Variants in HECTD4 observed in about 807,000 individuals in gnomAD.
The protein encoded by HECTD4 is HECT domain E3 ubiquitin protein ligase 4.
A neutral mutation model predicts 471.5 loss-of-function variants in HECTD4; 114 were observed. That is an observed-to-expected ratio of 0.24 (90% CI 0.21 to 0.28). The LOEUF (loss-of-function observed/expected upper bound fraction) is 0.28. HECTD4 is among the 10% of genes least tolerant of loss of function. HECTD4 has a pLI of 1.00. For synonymous variants in HECTD4, 2,012 were observed against 2,256.0 expected (o/e 0.89, Z 3.07); for missense variants, 3,866 against 5,651.5 (o/e 0.68, Z 10.13).
At chr12:112,379,336 C>G (rs563919906) in intron 1 of HECTD4, among the ~76,000 whole-genome samples, 1 of 152,280 alleles carries the variant, frequency 6.6e-6, no homozygotes, top group East Asian at 1.9e-4. Flanking sequence ...AATTGTTAGG[C>G]TCTTTTGAGA....
rs376987363 is a variant in HECTD4 at position 112,193,451 on chromosome 12, T to C, written c.8955+18A>G. ...AAATGGTAACCACACTGCAGGAACA[T>C]GAGCTTTAGACTTCTACCTGCAGGA... On this transcript the variant is annotated intron_variant, in intron 57 of 75. Coordinates refer to ENST00000682272, the MANE Select transcript of HECTD4 (RefSeq NM_001388303.1). This position sits in a 1 kb window ranked among gnomAD's most constrained non-coding sequence, Gnocchi z 5.2. 54 of 1,594,176 alleles carry C rather than the reference T, an allele frequency of 3.4e-5. No homozygotes were observed. The African/African-American group carries it at 5.9e-4, about 17-fold the overall frequency.
chr12:112,217,182 G>A lies in HECTD4; in HGVS notation c.7088C>T (p.Thr2363Ile). Residue 2363 changes from threonine (T) to isoleucine (I), a missense_variant, in exon 46 of 76, where the codon ACT becomes ATT. Coordinates refer to ENST00000682272, the MANE Select transcript of HECTD4 (RefSeq NM_001388303.1). ...QADRRQPKEI[T>I]WSPSRVFPPV... ...CGGAAACACTCGCGAGGGGCTCCAA[G>A]TAATCTCTTTGGGCTGCATCAGGGA... 1 of 1,519,744 alleles carries A rather than the reference G, an allele frequency of 6.6e-7. No homozygotes were observed. The highest frequency in any genetic ancestry group is 8.8e-7 in the Non-Finnish European group (1 of 1,133,950). 94.1% of individuals were successfully genotyped at this position (1,519,744 alleles called of 1,614,324 possible).
At chr12:112,219,540 G>A in intron 44 of HECTD4, 51 bp from the exon 45 acceptor site, 1 of 1,290,686 alleles carries the variant, frequency 7.7e-7, no homozygotes, top group South Asian at 1.2e-5. Context: ...CAACTCCCAA[G>A]TGGGTGCTGA....
intron 9 of HECTD4, among the ~76,000 whole-genome samples, chr12:112,275,189 G>C (rs2034501099): frequency 6.6e-6 from 1 of 152,192 alleles, no homozygotes; most frequent in Admixed American, 6.5e-5. Flanking sequence ...TTTTCAAAGT[G>C]TTTTTAAAAT....
intron 43 of HECTD4, among the ~76,000 whole-genome samples, chr12:112,227,047 G>A (rs907650723): frequency 6.6e-6 from 1 of 152,218 alleles, no homozygotes; most frequent in African/African-American, 2.4e-5. Flanking sequence ...AATCAGCACT[G>A]TCTCTTAAAA....
chr12:112,302,289 C>T (rs948508991), intron 7 of HECTD4: 194 of 817,282 alleles, frequency 2.4e-4, no homozygotes, highest in South Asian at 3.5e-4. Context: ...TTAGTGGGGA[C>T]GCCCCCTTTG....
At chr12:112,170,564 C>A in intron 68 of HECTD4, 112 bp from the exon 69 acceptor site, 1 of 1,407,926 alleles carries the variant, frequency 7.1e-7, no homozygotes, top group Non-Finnish European at 9.7e-7. Context: ...CCCCTGGTGG[C>A]AGTAGAGCCG....
chr12:112,284,758 C>T (rs1251432977), intron 7 of HECTD4, among the ~76,000 whole-genome samples: 1 of 152,156 alleles, frequency 6.6e-6, no homozygotes, highest in Non-Finnish European at 1.5e-5. Context: ...TTGCAGGTCG[C>T]GCCATCACTG....
At chr12:112,313,186 C>T (rs1215865177) in intron 3 of HECTD4, 39 bp from the exon 4 acceptor site, 2 of 1,493,748 alleles carry the variant, frequency 1.3e-6, no homozygotes, top group Non-Finnish European at 1.8e-6. Flanking sequence ...GACACTGAGA[C>T]AATCCATTTC....
intron 7 of HECTD4, among the ~76,000 whole-genome samples, chr12:112,284,536 C>T (rs1002793717): frequency 1.3e-5 from 2 of 152,142 alleles, no homozygotes; most frequent in East Asian, 1.9e-4. Context: ...GGTGGGTGTA[C>T]GTAGTGGGGG....
intron 1 of HECTD4, among the ~76,000 whole-genome samples, chr12:112,357,975 G>A (rs2036375826): frequency 6.6e-6 from 1 of 152,226 alleles, no homozygotes; most frequent in Admixed American, 6.5e-5. Context: ...AGCCGAGGCA[G>A]GCGGATCACT....
chr12:112,225,735 T>C (rs982972252), intron 44 of HECTD4, among the ~76,000 whole-genome samples: 1 of 151,368 alleles, frequency 6.6e-6, no homozygotes. Context: ...AATAAATAAA[T>C]ATAAAAACAA....
intron 25 of HECTD4, among the ~76,000 whole-genome samples, 189 bp from the exon 26 acceptor site, chr12:112,248,701 C>T (rs1254961740): frequency 6.6e-6 from 1 of 152,224 alleles, no homozygotes; most frequent in East Asian, 1.9e-4. Context: ...CTGCCTCAGC[C>T]TCCCAGGTAG....
At chr12:112,273,108 T>C (rs1377033057) in intron 11 of HECTD4, among the ~76,000 whole-genome samples, 1 of 152,126 alleles carries the variant, frequency 6.6e-6, no homozygotes, top group Non-Finnish European at 1.5e-5. Context: ...GGCCTGGAAA[T>C]GGTTGTTTTT....
In HECTD4 at chr12:112,194,045, C is replaced by T. The variant is rs545707879; in HGVS notation, c.8750-371G>A. ...CCCCGCAGGGTACCTTAGGGCACAG[C>T]CTGTAGAGAAACTTGTTAGATCATC... On this transcript the variant is annotated intron_variant, in intron 56 of 75. Coordinates refer to ENST00000682272, the MANE Select transcript of HECTD4 (RefSeq NM_001388303.1). This position sits in a 1 kb window ranked among gnomAD's most constrained non-coding sequence, Gnocchi z 4.6. 4.6e-5 allele frequency among the ~76,000 whole-genome samples: 7 copies of T among 152,320 alleles called. No homozygotes were observed. In the South Asian group the frequency reaches 1.4e-3, roughly 32 times the overall value.
Position 112,239,222 on chromosome 12 carries a change from C to T in HECTD4, c.5120G>A (p.Cys1707Tyr). 6.2e-7 allele frequency: 1 copy of T among 1,611,070 alleles called. No homozygotes were observed. Among genetic ancestry groups the T allele is most frequent in the Non-Finnish European group, 8.5e-7 (1 of 1,178,666 alleles). The stretch of plus-strand genomic sequence containing the variant: ...CTGCACAAGGCCACTGCGTACCAGG[C>T]ACTTCTCTTCGCTCCTGACAAAGGG... ...TIPYTRSEEK[C>Y]LVRSGLVQLM... is the part of the protein sequence containing the mutation. Residue 1707 changes from cysteine (C) to tyrosine (Y), a missense_variant, in exon 34 of 76, where the codon TGC becomes TAC. Coordinates refer to ENST00000682272, the MANE Select transcript of HECTD4 (RefSeq NM_001388303.1). This position sits in a 1 kb window ranked among gnomAD's most constrained non-coding sequence, Gnocchi z 4.9.
intron 1 of HECTD4, among the ~76,000 whole-genome samples, chr12:112,344,810 TGG>T (rs1160093998): frequency 6.6e-6 from 1 of 151,790 alleles, no homozygotes; most frequent in East Asian, 1.9e-4. Flanking sequence ...CCCAGCTATT[TGG>T]GAGGCTGAGG....
In HECTD4 at chr12:112,233,034, T is replaced by C. The variant is rs1331473544; in HGVS notation, c.5967A>G (p.Lys1989=). ...FRLGTGANME[K]VVKMDRDMTK... ...TCATGTCTCGATCCATCTTCACAACTTTCTCCATGTTGGCGCCAGTACCAA... is the reference window on the plus strand; with the variant it reads ...TCATGTCTCGATCCATCTTCACAACCTTCTCCATGTTGGCGCCAGTACCAA... Residue 1989 remains lysine (K), a synonymous_variant, in exon 38 of 76, where the codon AAA becomes AAG. Coordinates refer to ENST00000682272, the MANE Select transcript of HECTD4 (RefSeq NM_001388303.1). 3 of 1,612,496 alleles carry C rather than the reference T, an allele frequency of 1.9e-6. No individual in the cohort carries two copies. Among genetic ancestry groups the C allele is most frequent in the Non-Finnish European group, 1.7e-6 (2 of 1,179,414 alleles).
At position 112,203,757 on chromosome 12, in the gene HECTD4, G is replaced by T. The variant is rs2032496500; in HGVS notation, c.8285C>A (p.Thr2762Asn). 3 of 1,610,376 alleles carry T rather than the reference G, an allele frequency of 1.9e-6. No homozygotes were observed. The highest frequency in any genetic ancestry group is 2.5e-6 in the Non-Finnish European group (3 of 1,178,020). ...TACATTATTGCTGTCTGGAGAGCGG[G>T]TTACTACTGTGAGACCTGAGGAGTG... is the stretch of plus-strand genomic sequence containing the variant. ...DKVRKGLTVV[T>N]RSPDSNNVAS... The change falls in exon 54 of 76, where the codon ACC becomes AAC. Residue 2762 changes from threonine (T) to asparagine (N), a missense_variant. Around this residue, in one of 16 missense-constraint regions of HECTD4, gnomAD observed 266 missense variants for 441.6 expected, o/e 0.60. Coordinates refer to ENST00000682272, the MANE Select transcript of HECTD4 (RefSeq NM_001388303.1).
Sources: allele counts gnomAD v4.1 joint callset (sites outside exome capture counted in the v4.1 genomes callset), GRCh38; gene constraint gnomAD v4.1.1; regional missense constraint gnomAD v4.1.1; non-coding constraint Gnocchi (gnomAD v3.1); transcripts MANE v1.5; gene names NCBI Gene and HGNC (gene_info 2026-07-23, HGNC 2026-07-21).